The following TEX29 variants were observed in gnomAD, a reference collection of about 807,000 sequenced individuals.
The protein encoded by TEX29 is testis-expressed protein 29.
Under a neutral mutation model 18.2 loss-of-function variants are expected in TEX29, and 26 were observed. The ratio of observed to expected loss-of-function variants is 1.43; its 90% CI spans 1.04 to 1.98. TEX29 has a LOEUF of 1.98. TEX29 is among the 30% of genes most tolerant of loss of function. The probability of loss-of-function intolerance (pLI) is 0.00; values close to 1 mark genes in which losing one functional copy is unlikely to be tolerated. For synonymous variants in TEX29, 83 were observed against 78.5 expected (o/e 1.06, Z -0.31); for missense variants, 177 against 194.2 (o/e 0.91, Z 0.53).
chr13:111,321,240 G>A lies in TEX29; in HGVS notation c.58+292G>A, dbSNP rs532146705. The stretch of plus-strand genomic sequence containing the variant: ...AGGTCAAAGGCATTTTGTCCATGAG[G>A]CGCTGAAGATCCACTTCAACTACTT... On this transcript the variant is annotated intron_variant, in intron 2 of 5. Transcript: ENST00000283547. Among the ~76,000 whole-genome samples the A allele has an allele frequency of 2.0e-4, 31 of 152,350 alleles. No homozygotes were observed. The South Asian group carries it at 6.0e-3, about 30-fold the overall frequency.
upstream of TEX29, among the ~76,000 whole-genome samples, chr13:111,317,857 G>A (rs1047436586): frequency 2.0e-5 from 3 of 152,122 alleles, no homozygotes; most frequent in South Asian, 2.1e-4. Flanking sequence ...CTGCACAGCC[G>A]TCCGTCCCCT....
chr13:111,344,081 A>C lies in TEX29; in HGVS notation c.416-2A>C. On this transcript the variant is annotated splice_acceptor_variant, in intron 5 of 5. Transcript: ENST00000283547. LOFTEE classifies it high-confidence loss of function. The stretch of plus-strand genomic sequence containing the variant: ...AACAATTCTTCTTTTCTAAAAATCT[A>C]GTAACAGGGACAATAACAGAAGCCG... 1 of 1,610,110 alleles carries C rather than the reference A, an allele frequency of 6.2e-7. No individual in the cohort carries two copies. The highest frequency in any genetic ancestry group is 8.5e-7 in the Non-Finnish European group (1 of 1,177,174).
chr13:111,342,883 C>T lies in TEX29; in HGVS notation c.367C>T (p.Pro123Ser). Reference protein sequence around the residue: ...KLGLKPASPGPPSAGPSMKSD... With the variant: ...KLGLKPASPGSPSAGPSMKSD... The stretch of plus-strand genomic sequence containing the variant: ...AGGGCTGAAGCCTGCGAGTCCTGGG[C>T]CTCCAAGTGCTGGGCCCTCGATGAA... Residue 123 changes from proline to serine, a missense_variant, in exon 5 of 6, where the codon CCT (proline) becomes TCT (serine). Transcript: ENST00000283547. 6.2e-7 allele frequency: 1 copy of T among 1,614,142 alleles called. No homozygotes were observed. The highest frequency in any genetic ancestry group is 8.5e-7 in the Non-Finnish European group (1 of 1,180,030).
At chr13:111,317,782 G>C (rs2093657058), upstream of TEX29, among the ~76,000 whole-genome samples, 2 of 152,150 alleles carry the variant, frequency 1.3e-5, no homozygotes, top group Non-Finnish European at 2.9e-5. Context: ...TCCCACCCCA[G>C]GGCTGCTGGC....
chr13:111,324,797 C>A (rs1382283558), intron 2 of TEX29, among the ~76,000 whole-genome samples: 2 of 152,184 alleles, frequency 1.3e-5, no homozygotes, highest in East Asian at 3.9e-4. Context: ...GCACCATGCC[C>A]CTCCTGAACC....
rs995712426 is a variant in TEX29, at chr13:111,328,563, G to T, written c.169+270G>T. On this transcript the variant is annotated intron_variant, in intron 3 of 5. Transcript: ENST00000283547. ...AGGGCATGGACGGGGACAAATGGAG[G>T]CCCCCTTCATGGAGGAATTTGGCCA... is the stretch of plus-strand genomic sequence containing the variant. 5.3e-5 allele frequency among the ~76,000 whole-genome samples: 8 copies of T among 152,142 alleles called. No homozygotes were observed. In the South Asian group the frequency reaches 1.0e-3, roughly 20 times the overall value.
rs779588511 is a variant in TEX29 at position 111,328,248 on chromosome 13, G to A, written c.124G>A (p.Gly42Arg). The change falls in exon 3 of 6, where the codon GGG (glycine) becomes AGG (arginine). Residue 42 changes from glycine (G) to arginine (R), a missense_variant. By Grantham distance (125) the Gly-to-Arg change is moderately radical (BLOSUM62 -2). Transcript: ENST00000283547. ...CTCCAGGGACCGATGCCAGGAGCTC[G>A]GGTGCTGCTTCTACGAAGGCGTCTG... ...NVSRDRCQEL[G>R]CCFYEGVCYK... The A allele has an allele frequency of 4.3e-6, 7 of 1,613,910 alleles. No homozygotes were observed. Among genetic ancestry groups the A allele is most frequent in the Non-Finnish European group, 3.4e-6 (4 of 1,180,020 alleles).
intron 2 of TEX29, among the ~76,000 whole-genome samples, chr13:111,327,784 C>A (rs2093676450): frequency 6.6e-6 from 1 of 152,186 alleles, no homozygotes; most frequent in South Asian, 2.1e-4. Flanking sequence ...TGAAATAATC[C>A]TCAGGCCATG....
chr13:111,329,407 ACTT>A (rs989644216), intron 3 of TEX29, among the ~76,000 whole-genome samples: 28 of 151,796 alleles, frequency 1.8e-4, no homozygotes, highest in African/African-American at 3.9e-4. Flanking sequence ...GCTCAGGGCC[ACTT>A]CTTCTTCCTT....
intron 3 of TEX29, among the ~76,000 whole-genome samples, chr13:111,330,674 C>T (rs2093681285): frequency 6.6e-6 from 1 of 152,252 alleles, no homozygotes; most frequent in Non-Finnish European, 1.5e-5. Flanking sequence ...CCACTAACTC[C>T]AGAACATTTG....
chr13:111,339,804 A>G (rs942610146), intron 3 of TEX29, 59 bp from the exon 4 acceptor site: 15 of 1,584,598 alleles, frequency 9.5e-6, no homozygotes, highest in Non-Finnish European at 1.3e-5. Flanking sequence ...CCTTTTCTTC[A>G]TCTTCTTCCT....
intron 3 of TEX29, among the ~76,000 whole-genome samples, chr13:111,336,496 AT>A (rs1387774958): frequency 6.6e-6 from 1 of 152,254 alleles, no homozygotes; most frequent in Non-Finnish European, 1.5e-5. Context: ...TATTAAGAAT[AT>A]GAATTGGGAA....
intron 1 of TEX29, 24 bp downstream of exon 1, chr13:111,320,786 T>C (rs528049133): frequency 3.7e-4 from 526 of 1,419,686 alleles, no homozygotes; most frequent in Middle Eastern, 2.1e-3. Context: ...CGCCCCCTCC[T>C]GGTGTGAGCC....
At chr13:111,328,084 C>A (rs541107673) in intron 2 of TEX29, 99 bp from the exon 3 acceptor site, 3 of 728,266 alleles carry the variant, frequency 4.1e-6, no homozygotes, top group East Asian at 5.2e-5. Flanking sequence ...ACAACACAAA[C>A]CCACAGCTGC....
chr13:111,323,904 A>G (rs2093668717), intron 2 of TEX29, among the ~76,000 whole-genome samples: 1 of 152,184 alleles, frequency 6.6e-6, no homozygotes. Flanking sequence ...CTGATGCTCA[A>G]ACTCCGGGAG....
At chr13:111,333,589 C>T (rs2479960) in intron 3 of TEX29, among the ~76,000 whole-genome samples, 116,577 of 152,188 alleles carry the variant, frequency 0.77, 45,063 homozygotes, top group East Asian at 0.92. Context: ...CTATTGATAT[C>T]TTCTATTTGA....
At chr13:111,324,257 G>A (rs1480255912) in intron 2 of TEX29, among the ~76,000 whole-genome samples, 2 of 152,190 alleles carry the variant, frequency 1.3e-5, no homozygotes, top group Admixed American at 6.5e-5. Context: ...CCGTGGCCAC[G>A]CTGCCAGGAA....
At chr13:111,316,344 A>C, upstream of TEX29, 2 of 450,722 alleles carry the variant, frequency 4.4e-6, no homozygotes, top group Non-Finnish European at 4.5e-6. Context: ...GCCTCCCGCC[A>C]CCCACACCAC....
chr13:111,317,662 C>A (rs930062550), upstream of TEX29, among the ~76,000 whole-genome samples: 8 of 152,256 alleles, frequency 5.3e-5, no homozygotes, highest in African/African-American at 1.9e-4. Context: ...TGCTTTCACA[C>A]AGCAGCACCG....
Sources: allele counts gnomAD v4.1 joint callset (sites outside exome capture counted in the v4.1 genomes callset), GRCh38; gene constraint gnomAD v4.1.1; transcripts MANE v1.5; gene names NCBI Gene and HGNC (gene_info 2026-07-23, HGNC 2026-07-21).